Variants in CHL1 observed in about 807,000 individuals in gnomAD.
CHL1 encodes the protein neural cell adhesion molecule L1-like protein.
Under a neutral mutation model 141.9 loss-of-function variants are expected in CHL1, and 96 were observed. The observed-to-expected ratio is 0.68, with a 90% CI of 0.57 to 0.80. The LOEUF (loss-of-function observed/expected upper bound fraction) is 0.80, where lower values mean the gene tolerates loss of function less well. Among genes scored for constraint, CHL1 ranks in the 30% least tolerant of loss-of-function variants. The probability of loss-of-function intolerance (pLI) is 0.00; values close to 1 mark genes in which losing one functional copy is unlikely to be tolerated. For synonymous variants in CHL1, 613 were observed against 502.2 expected (o/e 1.22, Z -2.95); for missense variants, 1,820 against 1,457.2 (o/e 1.25, Z -4.05).
Position 222,644 on chromosome 3 carries a change from C to A in CHL1, c.-174-21969C>A, listed in dbSNP as rs80097314. ...AAGTTGAATGAACTTCAGAGACAGG[C>A]ACTATTTTGTAGAAAGGCTGTGCCA... On this transcript the variant is annotated intron_variant, in intron 1 of 27. Transcript: ENST00000256509. Among the ~76,000 whole-genome samples the A allele has an allele frequency of 2.3e-3, 352 of 152,214 alleles. 1 individual carries two copies. Among genetic ancestry groups the A allele is most frequent in the African/African-American group, 7.1e-3 (296 of 41,520 alleles).
chr3:361,913 C>G, intron 13 of CHL1, 103 bp downstream of exon 13: 1 of 802,526 alleles, frequency 1.2e-6, no homozygotes, highest in South Asian at 1.5e-5. Flanking sequence ...TATATTGTTA[C>G]ATGTACCCAG....
Position 399,008 on chromosome 3 carries a change from C to T in CHL1, c.3254-9C>T. On this transcript the variant is annotated splice_polypyrimidine_tract_variant and intron_variant, in intron 25 of 27. Coordinates refer to ENST00000256509, the MANE Select transcript of CHL1 (RefSeq NM_006614.4). ...GTTTACAATGCTGTGACTTCTCTTT[C>T]TACCACAGAATATGCTGGTTTATAT... 6.2e-7 allele frequency: 1 copy of T among 1,612,472 alleles called. No homozygotes were observed. Among genetic ancestry groups the T allele is most frequent in the Non-Finnish European group, 8.5e-7 (1 of 1,178,894 alleles).
chr3:319,977 T>C (rs75740142), intron 3 of CHL1, 110 bp downstream of exon 3: 51,640 of 639,800 alleles, frequency 0.081, 2,547 homozygotes, highest in Middle Eastern at 0.12. Flanking sequence ...TATTTCTATA[T>C]ATTCTTTAGC....
intron 2 of CHL1, among the ~76,000 whole-genome samples, chr3:257,000 C>T (rs1283931323): frequency 1.3e-5 from 2 of 152,174 alleles, no homozygotes; most frequent in African/African-American, 4.8e-5. Flanking sequence ...AAGATGCCTC[C>T]TCCATGGATT....
At chr3:295,196 C>G (rs1397765851) in intron 2 of CHL1, among the ~76,000 whole-genome samples, 3 of 152,158 alleles carry the variant, frequency 2.0e-5, no homozygotes, top group Admixed American at 6.5e-5. Context: ...AGGGAAGGAG[C>G]TGATTTCACA....
intron 2 of CHL1, among the ~76,000 whole-genome samples, chr3:280,209 G>C (rs535038000): frequency 7.3e-5 from 11 of 150,128 alleles, no homozygotes; most frequent in Non-Finnish European, 1.3e-4. Flanking sequence ...GTAGAGTCTA[G>C]GCATTTTTTT....
In CHL1 at chr3:362,522, G is replaced by T. The variant is rs147292404; in HGVS notation, c.1419-695G>T. ...ATTTACCTTGCTTACTGAGATGTTT[G>T]GCACCCTGTTAAATTTTGCATCTGG... On this transcript the variant is annotated intron_variant, in intron 13 of 27. Coordinates refer to ENST00000256509, the MANE Select transcript of CHL1 (RefSeq NM_006614.4). Among the ~76,000 whole-genome samples the T allele has an allele frequency of 9.9e-5, 15 of 151,944 alleles. 1 individual carries two copies. The highest frequency in any genetic ancestry group is 3.6e-4 in the African/African-American group (15 of 41,428).
chr3:328,049 A>G (rs941636666), intron 4 of CHL1, 118 bp from the exon 5 acceptor site: 1 of 651,370 alleles, frequency 1.5e-6, no homozygotes, highest in Non-Finnish European at 2.5e-6. Context: ...TATTCCATTA[A>G]GTATATACTT....
chr3:288,697 G>T (rs1202486971), intron 2 of CHL1, among the ~76,000 whole-genome samples: 1 of 152,190 alleles, frequency 6.6e-6, no homozygotes, highest in African/African-American at 2.4e-5. Context: ...GCATGGGCGG[G>T]ATGCGCTCCA....
intron 1 of CHL1, among the ~76,000 whole-genome samples, chr3:212,233 C>G (rs1228569838): frequency 6.6e-6 from 1 of 151,832 alleles, no homozygotes; most frequent in African/African-American, 2.4e-5. Context: ...GTTCTGGAAC[C>G]CAATCAATTC....
At chr3:252,874 T>A (rs1292038112) in intron 2 of CHL1, among the ~76,000 whole-genome samples, 1 of 152,130 alleles carries the variant, frequency 6.6e-6, no homozygotes, top group Non-Finnish European at 1.5e-5. Flanking sequence ...CCAATTATCA[T>A]GCTTTCATTT....
At chr3:206,881 T>A (rs904982057) in intron 1 of CHL1, among the ~76,000 whole-genome samples, 3 of 152,244 alleles carry the variant, frequency 2.0e-5, no homozygotes, top group Non-Finnish European at 4.4e-5. Context: ...CTGGGTATTA[T>A]ATGTAACCAA....
chr3:400,852 G>T (rs980437232), intron 26 of CHL1, among the ~76,000 whole-genome samples: 1 of 148,814 alleles, frequency 6.7e-6, no homozygotes, highest in Non-Finnish European at 1.5e-5. Flanking sequence ...TATTCAGATT[G>T]TTGCAACAAT....
At chr3:355,657 G>A (rs533042778) in intron 11 of CHL1, among the ~76,000 whole-genome samples, 6 of 152,172 alleles carry the variant, frequency 3.9e-5, no homozygotes, top group Admixed American at 6.5e-5. Flanking sequence ...CTCGGGTCCC[G>A]TCTAGGATGT....
intron 15 of CHL1, chr3:376,474 C>T (rs570889621): frequency 1.6e-5 from 8 of 497,180 alleles, no homozygotes; most frequent in Non-Finnish European, 2.4e-5. Context: ...AGGCACCCAA[C>T]GTTGATTAAT....
intron 2 of CHL1, among the ~76,000 whole-genome samples, chr3:257,417 C>T (rs1267836778): frequency 1.3e-5 from 2 of 150,722 alleles, no homozygotes; most frequent in Admixed American, 6.6e-5. Flanking sequence ...GCAGTGGCAC[C>T]ACCTCGGCTC....
intron 15 of CHL1, among the ~76,000 whole-genome samples, chr3:369,976 GA>G (rs1450249029): frequency 6.6e-6 from 1 of 152,168 alleles, no homozygotes; most frequent in Non-Finnish European, 1.5e-5. Context: ...TAAGTTTTTT[GA>G]TGTGCTGCTG....
intron 2 of CHL1, among the ~76,000 whole-genome samples, chr3:253,053 A>T (rs1693845201): frequency 6.6e-6 from 1 of 152,122 alleles, no homozygotes; most frequent in African/African-American, 2.4e-5. Flanking sequence ...TTCCATACTT[A>T]CTAGTAATGT....
intron 1 of CHL1, among the ~76,000 whole-genome samples, chr3:219,113 C>T (rs998302281): frequency 9.2e-5 from 14 of 151,412 alleles, no homozygotes; most frequent in African/African-American, 3.2e-4. Context: ...CATGCCACTG[C>T]ACTCCAGCCT....
Sources: allele counts gnomAD v4.1 joint callset (sites outside exome capture counted in the v4.1 genomes callset), GRCh38; gene constraint gnomAD v4.1.1; transcripts MANE v1.5; gene names NCBI Gene and HGNC (gene_info 2026-07-23, HGNC 2026-07-21).